The following SPAST variants were observed in gnomAD, a reference collection of about 807,000 sequenced individuals.
The protein encoded by SPAST is spastic paraplegia 4 (autosomal dominant; spastin).
A neutral mutation model predicts 76.6 loss-of-function variants in SPAST; 30 were observed. That is an observed-to-expected ratio of 0.39 (90% CI 0.29 to 0.53). The LOEUF is 0.53. Ranked by LOEUF, SPAST falls within the 20% of genes least tolerant of loss-of-function variation. SPAST has a pLI of 0.68. For missense variants in SPAST, 717 were observed against 770.5 expected (o/e 0.93, Z 0.82); for synonymous variants, 305 against 281.0 (o/e 1.09, Z -0.86).
intron 4 of SPAST, among the ~76,000 whole-genome samples, chr2:32,100,306 A>T (rs1434990066): frequency 1.4e-5 from 2 of 144,262 alleles, no homozygotes; most frequent in African/African-American, 2.5e-5. Context: ...CGGTCCAGCT[A>T]GTTTTATTGG....
intron 4 of SPAST, among the ~76,000 whole-genome samples, chr2:32,113,398 T>C (rs1295399382): frequency 6.6e-6 from 1 of 151,768 alleles, no homozygotes; most frequent in African/African-American, 2.4e-5. Context: ...AATTGATTAG[T>C]TTTTAAGACC....
chr2:32,133,267 A>G lies in SPAST; in HGVS notation c.1246-3296A>G, dbSNP rs186426589. Among the ~76,000 whole-genome samples the G allele has an allele frequency of 5.3e-5, 8 of 152,346 alleles. No individual in the cohort carries two copies. In the East Asian group the frequency reaches 1.2e-3, roughly 22 times the overall value. On this transcript the variant is annotated intron_variant, in intron 9 of 16. Coordinates refer to ENST00000315285, the MANE Select transcript of SPAST (RefSeq NM_014946.4). ...TTGAATAACTAACATGTAGAAAAGTATTTATAGCATAAGTATACAGCTGTA... is the reference window on the plus strand; with the variant it reads ...TTGAATAACTAACATGTAGAAAAGTGTTTATAGCATAAGTATACAGCTGTA...
At chr2:32,124,693 T>A (rs953099561) in intron 7 of SPAST, among the ~76,000 whole-genome samples, 3 of 152,182 alleles carry the variant, frequency 2.0e-5, no homozygotes, top group Admixed American at 2.0e-4. Context: ...TATCATGTAA[T>A]GGAGTATTAT....
chr2:32,128,641 A>G (rs1679275892), intron 9 of SPAST, 162 bp downstream of exon 9: 10 of 644,224 alleles, frequency 1.6e-5, no homozygotes, highest in South Asian at 1.2e-4. Flanking sequence ...GTAGAAAGTT[A>G]TGTACATTTG....
intron 1 of SPAST, among the ~76,000 whole-genome samples, chr2:32,082,512 C>T (rs949567632): frequency 1.3e-5 from 2 of 151,964 alleles, no homozygotes; most frequent in Admixed American, 1.3e-4. Flanking sequence ...GCCTGACCAA[C>T]ATGGAGAAAC....
chr2:32,150,262 T>C (rs1210127124), intron 16 of SPAST, among the ~76,000 whole-genome samples: 1 of 140,976 alleles, frequency 7.1e-6, no homozygotes, highest in East Asian at 2.0e-4. Context: ...TTTTTTTTTT[T>C]TGTATTTGTA....
At chr2:32,147,045 T>C in intron 15 of SPAST, 173 bp from the exon 16 acceptor site, 4 of 574,532 alleles carry the variant, frequency 7.0e-6, no homozygotes. Flanking sequence ...AATATTCTCT[T>C]CTCAGCATTT....
intron 8 of SPAST, chr2:32,127,328 G>T: frequency 2.8e-6 from 1 of 362,554 alleles, no homozygotes; most frequent in Non-Finnish European, 5.3e-6. Context: ...ATGTTGGCCA[G>T]GCTGGTGTCG....
At chr2:32,116,243 AT>A (rs765758657) in intron 7 of SPAST, 31 bp downstream of exon 7, 1 of 1,381,346 alleles carries the variant, frequency 7.2e-7, no homozygotes, top group Non-Finnish European at 1.0e-6. Flanking sequence ...TTTTTCTATA[AT>A]ACCATCTGTT....
chr2:32,070,255 A>G (rs1472647533), intron 1 of SPAST, among the ~76,000 whole-genome samples: 1 of 151,774 alleles, frequency 6.6e-6, no homozygotes, highest in Non-Finnish European at 1.5e-5. Flanking sequence ...TTTAGGAGAG[A>G]CAGGGTTTCA....
At position 32,112,042 on chromosome 2, in the gene SPAST, T is replaced by G. The variant is rs1678634621; in HGVS notation, c.683-2596T>G. On this transcript the variant is annotated intron_variant, in intron 4 of 16. Transcript: ENST00000315285. ...TTTTTTTTTAGATGGAGCCTCCATCTCCCGGGTTCAAGTGATTCTCCTGCC... is the reference window on the plus strand; with the variant it reads ...TTTTTTTTTAGATGGAGCCTCCATCGCCCGGGTTCAAGTGATTCTCCTGCC... Among the ~76,000 whole-genome samples the G allele has an allele frequency of 4.0e-5, 6 of 149,850 alleles. No individual in the cohort carries two copies. The South Asian group carries it at 1.3e-3, about 32-fold the overall frequency.
chr2:32,100,637 TG>T (rs1218317920), intron 4 of SPAST, among the ~76,000 whole-genome samples: 1 of 152,020 alleles, frequency 6.6e-6, no homozygotes, highest in Non-Finnish European at 1.5e-5. Context: ...CAGGCCCCAT[TG>T]TGTGATGTTC....
At chr2:32,097,568 C>G (rs756080071) in intron 3 of SPAST, among the ~76,000 whole-genome samples, 1 of 151,868 alleles carries the variant, frequency 6.6e-6, no homozygotes, top group Non-Finnish European at 1.5e-5. Context: ...TGCTTTATTG[C>G]TTTTATTTTC....
Position 32,063,915 on chromosome 2 carries a change from C to G in SPAST, c.84C>G (p.Cys28Trp), listed in dbSNP as rs2148685255. ...TGCCTCCCAGGCCTCCGCCCCCTTG[C>G]CTGGCCCCCGCCCCTCCCGCCGCCG... Reference protein sequence around the residue: ...NPVPPRPPPPCLAPAPPAAGP... With the variant: ...NPVPPRPPPPWLAPAPPAAGP... The change falls in exon 1 of 17, where the codon TGC (cysteine) becomes TGG (tryptophan). Residue 28 changes from cysteine (C) to tryptophan (W), a missense_variant. Transcript: ENST00000315285. 1 of 1,586,912 alleles carries G rather than the reference C, an allele frequency of 6.3e-7. No homozygotes were observed. Among genetic ancestry groups the G allele is most frequent in the South Asian group, 1.1e-5 (1 of 88,204 alleles).
chr2:32,140,820 A>T (rs548245771), intron 12 of SPAST, among the ~76,000 whole-genome samples: 2 of 148,664 alleles, frequency 1.3e-5, no homozygotes, highest in African/African-American at 4.8e-5. Context: ...TCGTGGAAAG[A>T]TACTTGGTCA....
chr2:32,105,369 G>T (rs1176600592), intron 4 of SPAST, among the ~76,000 whole-genome samples: 1 of 152,038 alleles, frequency 6.6e-6, no homozygotes, highest in Non-Finnish European at 1.5e-5. Flanking sequence ...TTTTTTCAAG[G>T]TTTTTAGCTT....
chr2:32,084,746 G>T (rs1384131146), intron 1 of SPAST, among the ~76,000 whole-genome samples: 1 of 151,564 alleles, frequency 6.6e-6, no homozygotes, highest in Non-Finnish European at 1.5e-5. Context: ...AATTAGGCAG[G>T]TGTGGTGGTG....
At chr2:32,076,487 G>T (rs1167898417) in intron 1 of SPAST, among the ~76,000 whole-genome samples, 1 of 152,020 alleles carries the variant, frequency 6.6e-6, no homozygotes, top group Non-Finnish European at 1.5e-5. Flanking sequence ...CTTCCAAAGT[G>T]CTGGGACTAC....
Position 32,147,345 on chromosome 2 carries a change from G to GTTTTT in SPAST, c.1728+108_1728+112dup, listed in dbSNP as rs71407417. 904 of 162,694 alleles carry GTTTTT rather than the reference G, an allele frequency of 5.6e-3. 17 individuals carry two copies. Among genetic ancestry groups the GTTTTT allele is most frequent in the South Asian group, 0.012 (192 of 16,288 alleles). The allele number at this position is 162,694 out of a possible 1,614,324, so 10.1% of individuals were successfully genotyped here. A position where few individuals can be genotyped will look rare whatever the true frequency, so the allele number is the denominator to read the frequency against. On this transcript the variant is annotated intron_variant, in intron 16 of 16. Transcript: ENST00000315285. The stretch of plus-strand genomic sequence containing the variant: ...ACATATATGAATGTGTGTGTGTGTG[G>GTTTTT]TTTTTTTTTTTTTTTTTTTTTTTTT...
Sources: gnomAD v4.1 joint callset for allele counts (sites outside exome capture counted in the v4.1 genomes callset) on GRCh38, gnomAD v4.1.1 for gene constraint, MANE v1.5 for transcripts, NCBI Gene and HGNC (gene_info 2026-07-23, HGNC 2026-07-21) for gene names.